The following EDRF1 variants were observed in gnomAD, a reference collection of about 807,000 sequenced individuals.
The protein encoded by EDRF1 is erythroid differentiation-related factor 1.
EDRF1 carries 69 observed loss-of-function variants against 148.7 expected under a neutral mutation model. That is an observed-to-expected ratio of 0.46 (90% CI 0.38 to 0.57). The LOEUF (loss-of-function observed/expected upper bound fraction) is 0.57, where lower values mean the gene tolerates loss of function less well. Ranked by LOEUF, EDRF1 falls within the 20% of genes least tolerant of loss-of-function variation. EDRF1 has a pLI of 0.00. For synonymous variants in EDRF1, 515 were observed against 532.8 expected (o/e 0.97, Z 0.46); for missense variants, 1,118 against 1,478.7 (o/e 0.76, Z 4.00).
intron 21 of EDRF1, chr10:125,748,246 G>A (rs970829626): frequency 6.7e-5 from 39 of 580,340 alleles, no homozygotes; most frequent in Non-Finnish European, 1.0e-4. Flanking sequence ...GTGTTCTGTG[G>A]CTTACTGCCT....
At chr10:125,746,120 T>C (rs1217082746) in intron 19 of EDRF1, among the ~76,000 whole-genome samples, 190 bp downstream of exon 19, 1 of 152,130 alleles carries the variant, frequency 6.6e-6, no homozygotes, top group Non-Finnish European at 1.5e-5. Flanking sequence ...GAAGATGACA[T>C]GTGGAATTGG....
chr10:125,733,306 GT>G, intron 9 of EDRF1, 97 bp from the exon 10 acceptor site: 1 of 949,922 alleles, frequency 1.1e-6, no homozygotes, highest in Non-Finnish European at 1.6e-6. Flanking sequence ...ATAGGTCTCT[GT>G]TTGCAGGACT....
intron 16 of EDRF1, 88 bp downstream of exon 16, chr10:125,740,739 T>C: frequency 7.2e-7 from 1 of 1,381,290 alleles, no homozygotes; most frequent in African/African-American, 1.4e-5. Flanking sequence ...TTTACTCCTA[T>C]TTTTCTAGTA....
intron 4 of EDRF1, among the ~76,000 whole-genome samples, chr10:125,725,097 C>CCT (rs1848190092): frequency 6.6e-6 from 1 of 152,232 alleles, no homozygotes; most frequent in East Asian, 1.9e-4. Context: ...AGAAGACTCA[C>CCT]CTCTCCCAGC....
Position 125,737,958 on chromosome 10 carries a change from G to A in EDRF1, c.1799G>A (p.Arg600His). The change falls in exon 14 of 25, where the codon CGC becomes CAC. Residue 600 changes from arginine to histidine, a missense_variant. Coordinates refer to ENST00000356792, the MANE Select transcript of EDRF1 (RefSeq NM_001202438.2). ...CCAGTTTGCCATGACACAGAAGAGC[G>A]CTGTAGACTTGTGCTTAGCTATGTT... is the stretch of plus-strand genomic sequence containing the variant. ...AFPVCHDTEE[R>H]CRLVLSYVLE... 1.9e-6 allele frequency: 3 copies of A among 1,613,922 alleles called. No individual in the cohort carries two copies. The highest frequency in any genetic ancestry group is 2.2e-5 in the East Asian group (1 of 44,858).
chr10:125,745,677 C>T, intron 18 of EDRF1, 30 bp from the exon 19 acceptor site: 1 of 1,607,048 alleles, frequency 6.2e-7, no homozygotes. Flanking sequence ...TGTCTGCTTA[C>T]ACAGTTGTTT....
chr10:125,758,599 G>C (rs1450879128), intron 24 of EDRF1, among the ~76,000 whole-genome samples: 1 of 152,160 alleles, frequency 6.6e-6, no homozygotes, highest in Admixed American at 6.5e-5. Context: ...CAGGCTTCAA[G>C]TTTTCCTAGC....
At chr10:125,723,572 T>C (rs1039474941) in intron 3 of EDRF1, among the ~76,000 whole-genome samples, 1 of 152,188 alleles carries the variant, frequency 6.6e-6, no homozygotes, top group African/African-American at 2.4e-5. Flanking sequence ...AATCCTATCA[T>C]GTAAAAATAA....
In EDRF1 at chr10:125,739,331, T is replaced by C. The variant is rs184476537; in HGVS notation, c.1981+886T>C. ...GAGATCACACCAGGACTTTTGCCAT[T>C]CTTTTTTTCTGAAATGCCTTTTCTG... is the stretch of plus-strand genomic sequence containing the variant. On this transcript the variant is annotated intron_variant, in intron 15 of 24. Transcript: ENST00000356792. 2.3e-3 allele frequency among the ~76,000 whole-genome samples: 355 copies of C among 152,308 alleles called. 1 individual carries two copies. The highest frequency in any genetic ancestry group is 4.0e-3 in the Non-Finnish European group (275 of 68,014).
At position 125,745,729 on chromosome 10, in the gene EDRF1, C is replaced by T. The variant is rs140631101; in HGVS notation, c.2613C>T (p.Ala871=). 2.3e-4 allele frequency: 374 copies of T among 1,614,176 alleles called. No individual in the cohort carries two copies. The African/African-American group carries it at 4.1e-3, about 18-fold the overall frequency. ...ERLVSKSVSA[A]EQQLWKKSFS... ...AAGTGAGCAAATCTGTGTCTGCTGCCGAGCAACAGTTGTGGAAAAAAAGCT... is the reference window on the plus strand; with the variant it reads ...AAGTGAGCAAATCTGTGTCTGCTGCTGAGCAACAGTTGTGGAAAAAAAGCT... The change falls in exon 19 of 25, where the codon GCC becomes GCT. Residue 871 remains alanine, a synonymous_variant. Transcript: ENST00000356792.
In EDRF1 at chr10:125,725,429, T is replaced by A; in HGVS notation, c.622T>A (p.Phe208Ile). ...GTATCAAAAGGCAATTCTTTCCAAG[T>A]TTTTATATTACAGGTACTTGGCTAC... Reference protein sequence around the residue: ...HWYQKAILSKFLYYSINGDGA... With the variant: ...HWYQKAILSKILYYSINGDGA... Residue 208 changes from phenylalanine to isoleucine, a missense_variant, in exon 5 of 25, where the codon TTT (phenylalanine) becomes ATT (isoleucine). Physicochemically the swap from Phe to Ile is conservative, Grantham distance 21. Around this residue, in one of 3 missense-constraint regions of EDRF1, gnomAD observed 954 missense variants for 1,241.4 expected, o/e 0.77. Coordinates refer to ENST00000356792, the MANE Select transcript of EDRF1 (RefSeq NM_001202438.2). 1 of 1,613,984 alleles carries A rather than the reference T, an allele frequency of 6.2e-7. No homozygotes were observed. The highest frequency in any genetic ancestry group is 1.3e-5 in the African/African-American group (1 of 75,038).
intron 18 of EDRF1, 117 bp downstream of exon 18, chr10:125,743,393 AT>A: frequency 1.3e-6 from 1 of 780,228 alleles, no homozygotes; most frequent in Non-Finnish European, 2.2e-6. Flanking sequence ...GAGGTGCTCT[AT>A]TAGAGAACCT....
chr10:125,729,104 G>T lies in EDRF1; in HGVS notation c.894G>T (p.Gln298His). The stretch of plus-strand genomic sequence containing the variant: ...TATTCAATGACGGGGAGCACAGTCA[G>T]GTATGCTTTCCATGGTGTCCAAGGT... ...ITLFNDGEHS[Q>H]GLKNDFVRNI... The change falls in exon 7 of 25, where the codon CAG becomes CAT. Residue 298 changes from glutamine (Q) to histidine (H), a missense_variant and splice_region_variant. Coordinates refer to ENST00000356792, the MANE Select transcript of EDRF1 (RefSeq NM_001202438.2). 6.4e-7 allele frequency: 1 copy of T among 1,561,170 alleles called. No homozygotes were observed. The highest frequency in any genetic ancestry group is 1.3e-5 in the African/African-American group (1 of 74,310).
In EDRF1 at chr10:125,743,152, T is replaced by C. The variant is rs370269664; in HGVS notation, c.2466T>C (p.Phe822=). The C allele has an allele frequency of 6.2e-7, 1 of 1,613,970 alleles. No individual in the cohort carries two copies. Among genetic ancestry groups the C allele is most frequent in the Non-Finnish European group, 8.5e-7 (1 of 1,179,928 alleles). Residue 822 remains phenylalanine, a synonymous_variant, in exon 18 of 25, where the codon TTT becomes TTC. Transcript: ENST00000356792. ...AGGCTGCTAATGAAATCTTGCAGTT[T>C]AGTGACTTGAAAAGCCAAAATCCAG... ...CYEAANEILQ[F]SDLKSQNPEH...
intron 22 of EDRF1, 69 bp downstream of exon 22, chr10:125,749,634 C>G: frequency 6.4e-7 from 1 of 1,561,240 alleles, no homozygotes; most frequent in South Asian, 1.1e-5. Flanking sequence ...TAGAGTAAGG[C>G]AGGCCTGTGA....
intron 18 of EDRF1, among the ~76,000 whole-genome samples, chr10:125,744,259 C>T (rs563887257): frequency 5.9e-4 from 88 of 150,216 alleles, no homozygotes; most frequent in Non-Finnish European, 1.0e-3. Context: ...TACTCTGTCG[C>T]GCAGGCTAGA....
chr10:125,727,865 G>A (rs953460206), intron 6 of EDRF1, among the ~76,000 whole-genome samples: 13 of 152,268 alleles, frequency 8.5e-5, no homozygotes, highest in South Asian at 2.1e-4. Context: ...GTGGTAGGCT[G>A]AGTTTACCCA....
At chr10:125,727,180 C>T (rs538306329) in intron 6 of EDRF1, among the ~76,000 whole-genome samples, 1 of 152,220 alleles carries the variant, frequency 6.6e-6, no homozygotes, top group Non-Finnish European at 1.5e-5. Context: ...AGGCCTGTTC[C>T]TCCAGCAGTA....
Position 125,729,453 on chromosome 10 carries a change from A to G in EDRF1, c.990A>G (p.Arg330=), listed in dbSNP as rs767904473. The change falls in exon 8 of 25, where the codon AGA becomes AGG. Residue 330 remains arginine, a synonymous_variant. Coordinates refer to ENST00000356792, the MANE Select transcript of EDRF1 (RefSeq NM_001202438.2). ...GSNMPIFGGG[R]YPAVSLRLRD... ...ACATGCCCATATTTGGAGGAGGCAGATACCCAGCAGTCAGCTTACGTCTCA... is the reference window on the plus strand; with the variant it reads ...ACATGCCCATATTTGGAGGAGGCAGGTACCCAGCAGTCAGCTTACGTCTCA... 1 of 1,614,196 alleles carries G rather than the reference A, an allele frequency of 6.2e-7. No homozygotes were observed. The highest frequency in any genetic ancestry group is 1.3e-5 in the African/African-American group (1 of 75,044).
Sources: allele counts gnomAD v4.1 joint callset (sites outside exome capture counted in the v4.1 genomes callset), GRCh38; gene constraint gnomAD v4.1.1; regional missense constraint gnomAD v4.1.1; transcripts MANE v1.5; gene names NCBI Gene and HGNC (gene_info 2026-07-23, HGNC 2026-07-21).